Variants in DLG2 observed in about 807,000 individuals in gnomAD.
The protein encoded by DLG2 is discs large MAGUK scaffold protein 2, also known as disks large homolog 2.
DLG2 carries 45 observed loss-of-function variants against 132.5 expected under a neutral mutation model. The observed-to-expected ratio is 0.34, with a 90% confidence interval of 0.27 to 0.44. DLG2 has a LOEUF of 0.44. Ranked by LOEUF, DLG2 falls within the 20% of genes least tolerant of loss-of-function variation. The pLI is 1.00. For synonymous variants in DLG2, 424 were observed against 419.6 expected (o/e 1.01, Z -0.13); for missense variants, 1,045 against 1,196.9 (o/e 0.87, Z 1.87).
At chr11:84,668,582 T>C (rs148002379) in intron 6 of DLG2, among the ~76,000 whole-genome samples, 2 of 152,270 alleles carry the variant, frequency 1.3e-5, no homozygotes, top group South Asian at 2.1e-4. Flanking sequence ...GCTACATCTA[T>C]TGAACGCTTG....
In DLG2 at chr11:83,685,763, A is replaced by G. The variant is rs1396670931; in HGVS notation, c.1826-52438T>C. ...ATCCAGCTGCATACCACATCTAAGC[A>G]TCTCTACTTGATTGTTTAATAATAG... On this transcript the variant is annotated intron_variant, in intron 18 of 27. Coordinates refer to ENST00000376104, the MANE Select transcript of DLG2 (RefSeq NM_001142699.3). 2.0e-5 allele frequency among the ~76,000 whole-genome samples: 3 copies of G among 152,162 alleles called. No individual in the cohort carries two copies. The East Asian group carries it at 5.8e-4, about 29-fold the overall frequency.
intron 17 of DLG2, chr11:83,814,467 G>T (rs967770372): frequency 4.7e-6 from 1 of 213,014 alleles, no homozygotes; most frequent in African/African-American, 2.3e-5. Flanking sequence ...TAAAGCTTGA[G>T]CTTCTTCTGA....
intron 21 of DLG2, among the ~76,000 whole-genome samples, chr11:83,524,751 T>C (rs1399241752): frequency 6.6e-6 from 1 of 152,190 alleles, no homozygotes; most frequent in Non-Finnish European, 1.5e-5. Flanking sequence ...TAAGCTTCCT[T>C]GGCTTCCCTG....
chr11:84,843,134 G>C (rs553347930), intron 6 of DLG2, among the ~76,000 whole-genome samples: 1 of 152,030 alleles, frequency 6.6e-6, no homozygotes, highest in Non-Finnish European at 1.5e-5. Context: ...CTTTAAAAGA[G>C]GGATAGCAGT....
At chr11:84,408,874 T>C (rs1486229447) in intron 7 of DLG2, among the ~76,000 whole-genome samples, 9 of 152,190 alleles carry the variant, frequency 5.9e-5, no homozygotes, top group Admixed American at 5.9e-4. Context: ...TCTTTCTCTG[T>C]AGATGTCTAC....
chr11:84,020,252 C>G (rs1386118134), intron 11 of DLG2, among the ~76,000 whole-genome samples: 1 of 151,928 alleles, frequency 6.6e-6, no homozygotes, highest in African/African-American at 2.4e-5. Context: ...ATTCTTTATG[C>G]CTTTGAGTAA....
intron 7 of DLG2, among the ~76,000 whole-genome samples, chr11:84,338,260 A>G (rs1438321116): frequency 6.6e-6 from 1 of 152,142 alleles, no homozygotes; most frequent in African/African-American, 2.4e-5. Flanking sequence ...TTTCTTTAAC[A>G]TCTACCGAGA....
At chr11:83,783,021 T>C (rs927558336) in intron 18 of DLG2, among the ~76,000 whole-genome samples, 1 of 152,220 alleles carries the variant, frequency 6.6e-6, no homozygotes, top group African/African-American at 2.4e-5. Flanking sequence ...TGAAGTACAA[T>C]GTATGTAATC....
chr11:84,238,578 T>G (rs367956867), intron 8 of DLG2, among the ~76,000 whole-genome samples: 38 of 147,460 alleles, frequency 2.6e-4, no homozygotes, highest in East Asian at 1.6e-3. Flanking sequence ...GAGATGAAGT[T>G]ATAAATTACC....
At chr11:83,965,735 C>A (rs2090034837) in intron 12 of DLG2, among the ~76,000 whole-genome samples, 1 of 151,734 alleles carries the variant, frequency 6.6e-6, no homozygotes, top group African/African-American at 2.4e-5. Flanking sequence ...AATAAGGAGT[C>A]AAATGCCTTT....
At chr11:84,239,169 A>G (rs1484145442) in intron 8 of DLG2, among the ~76,000 whole-genome samples, 2 of 152,114 alleles carry the variant, frequency 1.3e-5, no homozygotes, top group African/African-American at 4.8e-5. Context: ...TATGGAATTT[A>G]TTTATTTTAT....
intron 8 of DLG2, among the ~76,000 whole-genome samples, chr11:84,217,418 T>C (rs908454256): frequency 2.0e-5 from 3 of 152,196 alleles, no homozygotes; most frequent in African/African-American, 7.2e-5. Context: ...GTCTCTTCTC[T>C]TGTCTGCCGC....
In DLG2 at chr11:85,072,166, A is replaced by G. The variant is rs568078123; in HGVS notation, c.357+39495T>C. On this transcript the variant is annotated intron_variant, in intron 6 of 27. Transcript: ENST00000376104. ...AAACAAGAGCTTATTGTTCTCTTACATTCTAATTTTTACAATAGGCCATCT... is the reference window on the plus strand; with the variant it reads ...AAACAAGAGCTTATTGTTCTCTTACGTTCTAATTTTTACAATAGGCCATCT... Among the ~76,000 whole-genome samples the G allele has an allele frequency of 4.6e-5, 7 of 151,954 alleles. No homozygotes were observed. In the East Asian group the frequency reaches 1.4e-3, roughly 30 times the overall value.
intron 13 of DLG2, 63 bp from the exon 14 acceptor site, chr11:83,963,086 A>G: frequency 6.5e-7 from 1 of 1,538,514 alleles, no homozygotes; most frequent in Non-Finnish European, 8.9e-7. Context: ...GTGTCATGCT[A>G]TACTTCAGAA....
intron 3 of DLG2, among the ~76,000 whole-genome samples, chr11:85,423,844 C>G (rs572245479): frequency 1.3e-5 from 2 of 152,170 alleles, no homozygotes; most frequent in Non-Finnish European, 2.9e-5. Flanking sequence ...ACTTGCCCCA[C>G]TACCTGCATC....
At chr11:84,435,621 G>T (rs1401494252) in intron 7 of DLG2, among the ~76,000 whole-genome samples, 1 of 152,108 alleles carries the variant, frequency 6.6e-6, no homozygotes, top group Non-Finnish European at 1.5e-5. Context: ...TCTGAGTAAG[G>T]TAATTAAATA....
At chr11:83,689,944 AT>A (rs1470673963) in intron 18 of DLG2, among the ~76,000 whole-genome samples, 1 of 140,408 alleles carries the variant, frequency 7.1e-6, no homozygotes, top group Admixed American at 7.3e-5. Flanking sequence ...TATAATATAT[AT>A]TATATATATT....
chr11:83,790,800 C>T (rs1282119136), intron 17 of DLG2: 2 of 753,248 alleles, frequency 2.7e-6, no homozygotes, highest in Non-Finnish European at 2.5e-6. Flanking sequence ...GGGGAAAGAG[C>T]GCCCTCCCAC....
At chr11:84,935,194 T>A (rs1413970943) in intron 6 of DLG2, among the ~76,000 whole-genome samples, 3 of 152,230 alleles carry the variant, frequency 2.0e-5, no homozygotes, top group Non-Finnish European at 4.4e-5. Flanking sequence ...AGATTCACAG[T>A]AATTATCCAT....
Sources: gnomAD v4.1 joint callset for allele counts (sites outside exome capture counted in the v4.1 genomes callset) on GRCh38, gnomAD v4.1.1 for gene constraint, MANE v1.5 for transcripts, NCBI Gene and HGNC (gene_info 2026-07-23, HGNC 2026-07-21) for gene names.